Variants in DCLK2 observed in about 807,000 individuals in gnomAD.
DCLK2 encodes doublecortin like kinase 2, also known as serine/threonine-protein kinase DCLK2.
DCLK2 carries 31 observed loss-of-function variants against 78.4 expected under a neutral mutation model. The observed-to-expected ratio is 0.40, with a 90% CI of 0.30 to 0.53. The LOEUF is 0.53. Among genes scored for constraint, DCLK2 ranks in the 20% least tolerant of loss-of-function variants. DCLK2 has a pLI of 0.61. For missense variants in DCLK2, 872 were observed against 973.7 expected (o/e 0.90, Z 1.39); for synonymous variants, 407 against 374.9 (o/e 1.09, Z -0.99).
At chr4:150,141,792 A>G (rs1328265833) in intron 2 of DCLK2, among the ~76,000 whole-genome samples, 1 of 152,196 alleles carries the variant, frequency 6.6e-6, no homozygotes, top group East Asian at 1.9e-4. Context: ...ATGCCTTTGA[A>G]ATATGTTTTT....
At chr4:150,102,888 T>C (rs748196241) in intron 2 of DCLK2, 76 bp downstream of exon 2, 238 of 1,341,238 alleles carry the variant, frequency 1.8e-4, no homozygotes, top group Non-Finnish European at 2.1e-4. Context: ...TAGTCAACAA[T>C]AGAAATTTAG....
intron 5 of DCLK2, among the ~76,000 whole-genome samples, chr4:150,206,366 T>A (rs1410211454): frequency 1.3e-5 from 2 of 152,164 alleles, no homozygotes; most frequent in Non-Finnish European, 2.9e-5. Flanking sequence ...GATTACTTAT[T>A]CACACCGAGA....
rs762882403 is a variant in DCLK2, at chr4:150,203,900, G to A, written c.1056+11G>A. 2.5e-6 allele frequency: 4 copies of A among 1,591,288 alleles called. No individual in the cohort carries two copies. The East Asian group carries it at 6.7e-5, about 27-fold the overall frequency. On this transcript the variant is annotated intron_variant, in intron 5 of 15. Transcript: ENST00000296550. ...TTCAGAGGATTAAAGGTATGAAATA[G>A]GATATGTGGCATATTTGTGTGATTT...
chr4:150,160,026 T>A (rs1735590874), intron 2 of DCLK2, among the ~76,000 whole-genome samples: 1 of 151,520 alleles, frequency 6.6e-6, no homozygotes, highest in South Asian at 2.1e-4. Context: ...TTTTTGTGTG[T>A]GTGTGTGAGA....
intron 15 of DCLK2, among the ~76,000 whole-genome samples, chr4:150,253,070 GTCCTCCTCGTCCTCCTCA>G (rs944311808): frequency 1.1e-4 from 16 of 149,922 alleles, no homozygotes; most frequent in African/African-American, 3.1e-4. Context: ...CTGCTGTATT[GTCCTCCTCGTCCTCCTCA>G]TCCTCCTCGT....
intron 2 of DCLK2, among the ~76,000 whole-genome samples, chr4:150,177,070 T>C (rs1378515774): frequency 6.6e-6 from 1 of 152,246 alleles, no homozygotes; most frequent in East Asian, 1.9e-4. Context: ...GGATTCCTTT[T>C]ATGCATTCCC....
rs548168392 is a variant in DCLK2 at position 150,229,492 on chromosome 4, C to T, written c.1300-2845C>T. Reference sequence around the variant, plus strand: ...ATATTATCCACCCGAAAGGAGGAATCGGTGCAATTCCTGTTTCTGCTTGGG... The same window carrying T: ...ATATTATCCACCCGAAAGGAGGAATTGGTGCAATTCCTGTTTCTGCTTGGG... On this transcript the variant is annotated intron_variant, in intron 8 of 15. Coordinates refer to ENST00000296550, the MANE Select transcript of DCLK2 (RefSeq NM_001040260.4). Among the ~76,000 whole-genome samples, 5 of 152,158 alleles carry T rather than the reference C, an allele frequency of 3.3e-5. No individual in the cohort carries two copies. The South Asian group carries it at 6.2e-4, about 19-fold the overall frequency.
Position 150,089,769 on chromosome 4 carries a change from C to G in DCLK2, c.421+10321C>G, listed in dbSNP as rs1729915183. Among the ~76,000 whole-genome samples, 3 of 152,152 alleles carry G rather than the reference C, an allele frequency of 2.0e-5. No homozygotes were observed. In the South Asian group the frequency reaches 6.2e-4, roughly 32 times the overall value. On this transcript the variant is annotated intron_variant, in intron 1 of 15. Transcript: ENST00000296550. ...CAAAAGTGCATTACCAGTAAAAATG[C>G]AAAATAGCAATATAAAGCTAGAGAT... is the stretch of plus-strand genomic sequence containing the variant.
chr4:150,239,138 A>G (rs1169840723), intron 10 of DCLK2, among the ~76,000 whole-genome samples: 3 of 152,062 alleles, frequency 2.0e-5, no homozygotes, highest in Non-Finnish European at 4.4e-5. Flanking sequence ...AGCCGCCTAC[A>G]CTCTAACTAC....
intron 2 of DCLK2, among the ~76,000 whole-genome samples, chr4:150,186,763 C>T (rs1737967486): frequency 6.6e-6 from 1 of 152,186 alleles, no homozygotes; most frequent in African/African-American, 2.4e-5. Flanking sequence ...CACAGTGTCT[C>T]ACATGTGTAA....
At chr4:150,254,247 G>A (rs1432231796) in intron 15 of DCLK2, among the ~76,000 whole-genome samples, 1 of 152,214 alleles carries the variant, frequency 6.6e-6, no homozygotes, top group South Asian at 2.1e-4. Context: ...TTCTTCGCTG[G>A]GGGATTATGC....
At chr4:150,158,443 C>G (rs564099314) in intron 2 of DCLK2, among the ~76,000 whole-genome samples, 1 of 152,038 alleles carries the variant, frequency 6.6e-6, no homozygotes, top group African/African-American at 2.4e-5. Flanking sequence ...TTTGCCTCCC[C>G]TCCACCACAG....
At chr4:150,088,550 C>T (rs528015627) in intron 1 of DCLK2, among the ~76,000 whole-genome samples, 10 of 152,156 alleles carry the variant, frequency 6.6e-5, no homozygotes, top group South Asian at 2.1e-4. Context: ...GCAGTCCTCT[C>T]GCCTCAGTCT....
chr4:150,118,670 T>G (rs1732286817), intron 2 of DCLK2, among the ~76,000 whole-genome samples: 1 of 152,174 alleles, frequency 6.6e-6, no homozygotes, highest in Non-Finnish European at 1.5e-5. Flanking sequence ...CTTTCTTTCC[T>G]GATCCCACTC....
chr4:150,251,704 A>C (rs1446682915), intron 15 of DCLK2, among the ~76,000 whole-genome samples: 8 of 15,104 alleles, frequency 5.3e-4, no homozygotes, highest in South Asian at 3.0e-3. Context: ...AGGTACCCCC[A>C]CACACCCCCA....
At chr4:150,121,861 C>T (rs1398833011) in intron 2 of DCLK2, among the ~76,000 whole-genome samples, 1 of 152,204 alleles carries the variant, frequency 6.6e-6, no homozygotes, top group Non-Finnish European at 1.5e-5. Flanking sequence ...TCTCTCTGTA[C>T]CTCTGCATCA....
chr4:150,147,604 A>C (rs1286011354), intron 2 of DCLK2, among the ~76,000 whole-genome samples: 1 of 152,190 alleles, frequency 6.6e-6, no homozygotes, highest in African/African-American at 2.4e-5. Context: ...GTCATTCCTT[A>C]TAATGTAAAT....
intron 2 of DCLK2, among the ~76,000 whole-genome samples, chr4:150,119,036 A>AT (rs1732322038): frequency 9.2e-5 from 5 of 54,178 alleles, no homozygotes; most frequent in Admixed American, 2.9e-4. Context: ...TCAAAATAAC[A>AT]ATAATAATAT....
In DCLK2 at chr4:150,078,836, A is replaced by G. The variant is rs905268779; in HGVS notation, c.-192A>G. On this transcript the variant is annotated 5_prime_UTR_variant, in exon 1 of 16. Transcript: ENST00000296550. ...ACCTGGGCAGCTCGGCGCTGCGGACACTTTTAGCTGAGGGCGCGGGCGGGT... is the reference window on the plus strand; with the variant it reads ...ACCTGGGCAGCTCGGCGCTGCGGACGCTTTTAGCTGAGGGCGCGGGCGGGT... 210 of 615,744 alleles carry G rather than the reference A, an allele frequency of 3.4e-4. 2 individuals are homozygous for G. In the East Asian group the frequency reaches 7.0e-3, roughly 21 times the overall value. 38.1% of individuals were successfully genotyped at this position (615,744 alleles called of 1,614,324 possible).
Sources: allele counts gnomAD v4.1 joint callset (sites outside exome capture counted in the v4.1 genomes callset), GRCh38; gene constraint gnomAD v4.1.1; transcripts MANE v1.5; gene names NCBI Gene and HGNC (gene_info 2026-07-23, HGNC 2026-07-21).